The following GNPTAB variants were observed in gnomAD, a reference collection of about 807,000 sequenced individuals.
GNPTAB encodes N-acetylglucosamine-1-phosphotransferase subunits alpha/beta.
In GNPTAB, 92 loss-of-function variants were observed where a neutral mutation model predicts 136.6. The ratio of observed to expected loss-of-function variants is 0.67; its 90% confidence interval spans 0.57 to 0.80. The LOEUF (loss-of-function observed/expected upper bound fraction) is 0.80, where lower values mean the gene tolerates loss of function less well. Among genes scored for constraint, GNPTAB ranks in the 30% least tolerant of loss-of-function variants. GNPTAB has a pLI of 0.00. For missense variants in GNPTAB, 1,343 were observed against 1,501.8 expected, an observed-to-expected ratio of 0.89 and a Z score of 1.75; for synonymous variants, 512 against 535.1, an observed-to-expected ratio of 0.96 and a Z score of 0.60.
chr12:101,759,837 T>G (rs1384413870), intron 16 of GNPTAB, among the ~76,000 whole-genome samples, 193 bp downstream of exon 16: 3 of 152,194 alleles, frequency 2.0e-5, no homozygotes, highest in African/African-American at 7.2e-5. Flanking sequence ...AAATTACGCA[T>G]CTATGGGGTG....
rs1251057066 is a variant in GNPTAB at position 101,747,224 on chromosome 12, C to T, written c.3711G>A (p.Arg1237=). 2 of 1,582,996 alleles carry T rather than the reference C, an allele frequency of 1.3e-6. No individual in the cohort carries two copies. Among genetic ancestry groups the T allele is most frequent in the Non-Finnish European group, 1.7e-6 (2 of 1,151,872 alleles). ...FFAEQLIALK[R]KIFPRRRIHK... is the part of the protein sequence containing the mutation. ...GTATCCTCCTTCTGGGAAATATCTT[C>T]CGCTTAAGTGCAATTAACTAAATGA... The change falls in exon 21 of 21, where the codon CGG becomes CGA. Residue 1237 remains arginine, a synonymous_variant. Coordinates refer to ENST00000299314, the MANE Select transcript of GNPTAB (RefSeq NM_024312.5).
chr12:101,783,520 T>C (rs767027558), intron 5 of GNPTAB, among the ~76,000 whole-genome samples: 1 of 152,148 alleles, frequency 6.6e-6, no homozygotes, highest in Non-Finnish European at 1.5e-5. Flanking sequence ...GTAAAATGAA[T>C]TGCCACTGGA....
chr12:101,763,443 C>G (rs1202309594), intron 13 of GNPTAB, among the ~76,000 whole-genome samples: 1 of 152,092 alleles, frequency 6.6e-6, no homozygotes, highest in Non-Finnish European at 1.5e-5. Context: ...TCAGCCCAGA[C>G]TGTATGATTT....
intron 4 of GNPTAB, among the ~76,000 whole-genome samples, chr12:101,786,986 C>T (rs966600310): frequency 6.6e-6 from 1 of 152,168 alleles, no homozygotes; most frequent in Non-Finnish European, 1.5e-5. Flanking sequence ...TCACTCCAAA[C>T]GACACCAAAT....
At position 101,782,332 on chromosome 12, in the gene GNPTAB, C is replaced by T. The variant is rs142749213; in HGVS notation, c.572-1711G>A. Among the ~76,000 whole-genome samples, 363 of 152,130 alleles carry T rather than the reference C, an allele frequency of 2.4e-3. 5 individuals are homozygous for T. The highest frequency in any genetic ancestry group is 8.2e-3 in the African/African-American group (340 of 41,492). On this transcript the variant is annotated intron_variant, in intron 5 of 20. Transcript: ENST00000299314. ...TTTTTTTAAAAAGATAAGTTTTACT[C>T]AACAGTGAGTTCAGTATGAGTCAAC...
rs36066248 is a variant in GNPTAB at position 101,801,539 on chromosome 12, C to CAAA, written c.118-4780_118-4778dup. ...TGGGTGACAGAAAGAGACCCTGTCT[C>CAAA]AAAAAAAAAAAAAAAAAAAAAAAAA... On this transcript the variant is annotated intron_variant, in intron 1 of 20. Transcript: ENST00000299314. Among the ~76,000 whole-genome samples the CAAA allele has an allele frequency of 7.9e-3, 336 of 42,546 alleles. 40 individuals carry two copies. Among genetic ancestry groups the CAAA allele is most frequent in the African/African-American group, 0.014 (193 of 14,246 alleles). The allele number at this position is 42,546 out of a possible 152,430, so 27.9% of individuals were successfully genotyped here.
chr12:101,786,025 G>A lies in GNPTAB; in HGVS notation c.558C>T (p.Asp186=). The change falls in exon 5 of 21, where the codon GAC becomes GAT. Residue 186 remains aspartate, a synonymous_variant. Coordinates refer to ENST00000299314, the MANE Select transcript of GNPTAB (RefSeq NM_024312.5). ...PSTNVSVVVF[D]STKDVEDAHS... ...AAAAGATCTTACCATCCTTAGTACT[G>A]TCAAAAACAACAACTGAGACATTGG... is the stretch of plus-strand genomic sequence containing the variant. The A allele has an allele frequency of 1.2e-6, 2 of 1,611,386 alleles. No individual in the cohort carries two copies. The highest frequency in any genetic ancestry group is 1.1e-5 in the South Asian group (1 of 91,014).
At chr12:101,788,888 C>T (rs183328231) in intron 3 of GNPTAB, among the ~76,000 whole-genome samples, 68 of 152,354 alleles carry the variant, frequency 4.5e-4, no homozygotes, top group Non-Finnish European at 1.5e-5. Context: ...ATTACATCAG[C>T]CAGGTTCCTA....
At chr12:101,782,136 T>C (rs762978873) in intron 5 of GNPTAB, among the ~76,000 whole-genome samples, 8 of 151,868 alleles carry the variant, frequency 5.3e-5, no homozygotes, top group Admixed American at 1.3e-4. Context: ...AGAGAAGCTA[T>C]TGTCCTGGAT....
At chr12:101,756,951 A>C (rs1056600112) in intron 18 of GNPTAB, 6 of 360,560 alleles carry the variant, frequency 1.7e-5, no homozygotes, top group Non-Finnish European at 3.0e-5. Context: ...TCACCTCCCC[A>C]CAATGCGATC....
chr12:101,779,882 T>C (rs945252303), intron 7 of GNPTAB: 9 of 476,620 alleles, frequency 1.9e-5, no homozygotes, highest in African/African-American at 1.6e-4. Flanking sequence ...GGGTTGGGCC[T>C]GGTTACTACT....
At chr12:101,768,513 G>A (rs1378545399) in intron 10 of GNPTAB, among the ~76,000 whole-genome samples, 2 of 152,214 alleles carry the variant, frequency 1.3e-5, no homozygotes, top group Non-Finnish European at 1.5e-5. Context: ...GCATGTCAAA[G>A]CTGGTGGGAA....
chr12:101,779,742 G>C (rs943076270), intron 7 of GNPTAB: 2 of 230,850 alleles, frequency 8.7e-6, no homozygotes, highest in African/African-American at 4.6e-5. Context: ...AGTTCCATCC[G>C]GGCCTTTGTC....
At chr12:101,748,826 G>A (rs1952772936) in intron 20 of GNPTAB, among the ~76,000 whole-genome samples, 1 of 152,160 alleles carries the variant, frequency 6.6e-6, no homozygotes, top group Non-Finnish European at 1.5e-5. Flanking sequence ...TAAATACTTA[G>A]AGCTACTTGG....
intron 2 of GNPTAB, among the ~76,000 whole-genome samples, chr12:101,792,680 T>C (rs1869058313): frequency 6.6e-6 from 1 of 152,184 alleles, no homozygotes; most frequent in Non-Finnish European, 1.5e-5. Context: ...TATAGCTTCA[T>C]ATGCAGCTTC....
intron 1 of GNPTAB, 43 bp from the exon 2 acceptor site, chr12:101,796,805 A>G (rs1869321306): frequency 8.2e-7 from 1 of 1,221,326 alleles, no homozygotes; most frequent in Non-Finnish European, 1.2e-6. Context: ...ATCAAAGACT[A>G]AGAGTATATA....
Position 101,747,121 on chromosome 12 carries a change from G to T in GNPTAB, c.*43C>A. ...TCTCTGTGAAGCTGAGTTTTAAAATGCTCAGTAAATGCTGAGGTAGATGGT... is the reference window on the plus strand; with the variant it reads ...TCTCTGTGAAGCTGAGTTTTAAAATTCTCAGTAAATGCTGAGGTAGATGGT... On this transcript the variant is annotated 3_prime_UTR_variant, in exon 21 of 21. Coordinates refer to ENST00000299314, the MANE Select transcript of GNPTAB (RefSeq NM_024312.5). The T allele has an allele frequency of 9.2e-7, 1 of 1,088,846 alleles. No individual in the cohort carries two copies. Among genetic ancestry groups the T allele is most frequent in the Non-Finnish European group, 1.4e-6 (1 of 700,630 alleles). 67.4% of individuals were successfully genotyped at this position (1,088,846 alleles called of 1,614,324 possible). A position where few individuals can be genotyped will look rare whatever the true frequency, so the allele number is the denominator to read the frequency against.
intron 7 of GNPTAB, 147 bp from the exon 8 acceptor site, chr12:101,771,304 C>T (rs1005873338): frequency 3.2e-5 from 23 of 728,756 alleles, no homozygotes; most frequent in African/African-American, 7.2e-5. Context: ...AGCGCAGTGG[C>T]ACGATCTCTG....
rs1251057066 is a variant in GNPTAB at position 101,747,224 on chromosome 12, C to A, written c.3711G>T (p.Arg1237=). The A allele has an allele frequency of 6.3e-7, 1 of 1,583,114 alleles. No homozygotes were observed. ...FFAEQLIALK[R]KIFPRRRIHK... is the part of the protein sequence containing the mutation. ...GTATCCTCCTTCTGGGAAATATCTT[C>A]CGCTTAAGTGCAATTAACTAAATGA... is the stretch of plus-strand genomic sequence containing the variant. The change falls in exon 21 of 21, where the codon CGG becomes CGT. Residue 1237 remains arginine (R), a synonymous_variant. Coordinates refer to ENST00000299314, the MANE Select transcript of GNPTAB (RefSeq NM_024312.5).
Sources: allele counts gnomAD v4.1 joint callset (sites outside exome capture counted in the v4.1 genomes callset), GRCh38; gene constraint gnomAD v4.1.1; transcripts MANE v1.5; gene names NCBI Gene and HGNC (gene_info 2026-07-23, HGNC 2026-07-21).